TPTE2: variants seen among roughly 807,000 people sequenced by gnomAD.
TPTE2 encodes transmembrane phosphoinositide 3-phosphatase and tensin homolog 2, also known as phosphatidylinositol 3,4,5-trisphosphate 3-phosphatase TPTE2.
In TPTE2, 53 loss-of-function variants were observed where a neutral mutation model predicts 78.6. The ratio of observed to expected loss-of-function variants is 0.67; its 90% CI spans 0.54 to 0.85. The LOEUF is 0.85. Among genes scored for constraint, TPTE2 ranks in the 40% least tolerant of loss-of-function variants. The probability of loss-of-function intolerance (pLI) is 0.00; values close to 1 mark genes in which losing one functional copy is unlikely to be tolerated. For missense variants in TPTE2, 461 were observed against 623.0 expected, an observed-to-expected ratio of 0.74 and a Z score of 2.77; for synonymous variants, 175 against 206.2, an observed-to-expected ratio of 0.85 and a Z score of 1.30.
rs1470972428 is a variant in TPTE2, at chr13:19,486,957, C to A, written c.120-4410G>T. Among the ~76,000 whole-genome samples the A allele has an allele frequency of 6.6e-6, 1 of 152,134 alleles. No homozygotes were observed. The highest frequency in any genetic ancestry group is 1.5e-5 in the Non-Finnish European group (1 of 68,016). ...CGAGGCTGCTCGGCTGGCCTAGGGG[C>A]ATGTCTTCTGGAAGTAGCCCATGGA... On this transcript the variant is annotated intron_variant, in intron 3 of 19. Coordinates refer to ENST00000400230, the Ensembl canonical transcript of TPTE2. The surrounding 1 kb of genome is among the most constrained non-coding windows in gnomAD (Gnocchi z 4.3).
chr13:19,452,682 G>A (rs766755443), intron 10 of TPTE2, among the ~76,000 whole-genome samples: 1 of 152,010 alleles, frequency 6.6e-6, no homozygotes, highest in Non-Finnish European at 1.5e-5. Context: ...GCAAAATAAG[G>A]CATGAAATTT....
In TPTE2 at chr13:19,457,760, TTTG is replaced by T. The variant is rs536130861; in HGVS notation, c.742-6538_742-6536del. On this transcript the variant is annotated intron_variant, in intron 10 of 19. Coordinates refer to ENST00000400230, the Ensembl canonical transcript of TPTE2. ...GTATTTATGTATCACATTTTCTTTTTTTGTTGTTGTTTTTTTAAGTGTTAAATA... is the reference window on the plus strand; with the variant it reads ...GTATTTATGTATCACATTTTCTTTTTTTGTTGTTTTTTTAAGTGTTAAATA... 7.9e-5 allele frequency among the ~76,000 whole-genome samples: 12 copies of T among 152,342 alleles called. No individual in the cohort carries two copies. The East Asian group carries it at 1.3e-3, about 17-fold the overall frequency.
At chr13:19,449,560 A>G (rs1282121195) in intron 13 of TPTE2, among the ~76,000 whole-genome samples, 2 of 152,216 alleles carry the variant, frequency 1.3e-5, no homozygotes, top group Admixed American at 1.3e-4. Context: ...TTGCTGAGAC[A>G]GTAGATTTTA....
rs745812268 is a variant in TPTE2, at chr13:19,497,756, A to G, written c.12-4255T>C. On this transcript the variant is annotated intron_variant, in intron 1 of 19. Transcript: ENST00000400230. ...AAAGCAGAGCGCCTCTCCTCCTCCA[A>G]AGGAACGCAGTTCCTCACCAGCAAC... is the stretch of plus-strand genomic sequence containing the variant. Among the ~76,000 whole-genome samples the G allele has an allele frequency of 5.3e-3, 806 of 151,762 alleles. 5 individuals are homozygous for G. Among genetic ancestry groups the G allele is most frequent in the Non-Finnish European group, 8.0e-3 (545 of 67,858 alleles).
intron 19 of TPTE2, among the ~76,000 whole-genome samples, chr13:19,423,868 G>T (rs1875793021): frequency 1.3e-5 from 2 of 152,200 alleles, no homozygotes; most frequent in South Asian, 4.1e-4. Context: ...AACCACTTTT[G>T]AGGAGCAGCA....
intron 17 of TPTE2, among the ~76,000 whole-genome samples, chr13:19,427,842 A>G (rs1876251695): frequency 4.6e-5 from 7 of 152,262 alleles, no homozygotes. Flanking sequence ...AATGGCACCC[A>G]CAATAAGAAA....
the TPTE2 span, chr13:19,560,608 G>T: frequency 1.2e-6 from 2 of 1,600,772 alleles, no homozygotes; most frequent in Non-Finnish European, 1.7e-6. Context: ...ACAGAGGGTA[G>T]CCACGGCTGG....
intron 1 of TPTE2, among the ~76,000 whole-genome samples, chr13:19,498,316 C>G (rs1045404016): frequency 6.6e-6 from 1 of 150,984 alleles, no homozygotes; most frequent in Non-Finnish European, 1.5e-5. Flanking sequence ...AGATACTCCT[C>G]GAGAAGAGCA....
intron 3 of TPTE2, among the ~76,000 whole-genome samples, chr13:19,484,714 C>T (rs191198965): frequency 7.2e-5 from 11 of 151,994 alleles, no homozygotes; most frequent in Non-Finnish European, 1.5e-4. Flanking sequence ...TGAATTGAAC[C>T]CTTTATTATT....
chr13:19,511,859 TA>T (rs140880516), intron 1 of TPTE2, among the ~76,000 whole-genome samples: 6,050 of 150,514 alleles, frequency 0.04, 143 homozygotes, highest in Middle Eastern at 0.092. Flanking sequence ...CCACTTTTTT[TA>T]AAAAAAAAAT....
intron 15 of TPTE2, 28 bp downstream of exon 18, chr13:19,436,198 A>G (rs752583298): frequency 6.3e-7 from 1 of 1,585,278 alleles, no homozygotes; most frequent in East Asian, 2.2e-5. Context: ...CCCCTAAAAA[A>G]ACTCCCATTT....
chr13:19,431,268 C>A (rs1046224167), intron 16 of TPTE2, among the ~76,000 whole-genome samples: 4 of 152,002 alleles, frequency 2.6e-5, no homozygotes, highest in Admixed American at 2.0e-4. Context: ...TACTTTGGCC[C>A]TACTTTAAGG....
At chr13:19,541,045 G>C (rs1266165746), upstream of TPTE2, among the ~76,000 whole-genome samples, 1 of 152,194 alleles carries the variant, frequency 6.6e-6, no homozygotes, top group Admixed American at 6.5e-5. Context: ...TTAAAACTTA[G>C]TGTCCTCTTC....
chr13:19,541,473 C>T (rs893715220), upstream of TPTE2, among the ~76,000 whole-genome samples: 4 of 152,058 alleles, frequency 2.6e-5, no homozygotes, highest in African/African-American at 9.7e-5. Context: ...AGGCTAGGCC[C>T]CCAGTACAAT....
At chr13:19,527,428 A>G (rs936007970) in intron 1 of TPTE2, among the ~76,000 whole-genome samples, 1 of 152,196 alleles carries the variant, frequency 6.6e-6, no homozygotes, top group Non-Finnish European at 1.5e-5. Flanking sequence ...TACCCCATAA[A>G]TATGTACAAA....
At chr13:19,551,892 T>A in the TPTE2 span, among the ~76,000 whole-genome samples, 12 of 152,226 alleles carry the variant, frequency 7.9e-5, no homozygotes, top group Admixed American at 7.9e-4. Flanking sequence ...AGTAAATCAA[T>A]CTTTTCTAAT....
chr13:19,520,245 GGTTTTGTTTT>G (rs1373974663), intron 1 of TPTE2, among the ~76,000 whole-genome samples: 1 of 151,744 alleles, frequency 6.6e-6, no homozygotes, highest in Non-Finnish European at 1.5e-5. Flanking sequence ...TTCTGTGGTT[GGTTTTGTTTT>G]GTTTTGTTTT....
intron 4 of TPTE2, among the ~76,000 whole-genome samples, chr13:19,479,765 C>T (rs936336793): frequency 7.9e-5 from 12 of 151,972 alleles, no homozygotes; most frequent in Non-Finnish European, 1.3e-4. Flanking sequence ...AGATTGAGAC[C>T]ATCCTGGCCA....
At position 19,497,861 on chromosome 13, in the gene TPTE2, G is replaced by A. The variant is rs1445749124; in HGVS notation, c.12-4360C>T. On this transcript the variant is annotated intron_variant, in intron 1 of 19. Transcript: ENST00000400230. Reference sequence around the variant, plus strand: ...ACGATCAAATTACTCTGAGCTACGGGAGGACATTCAAACCAAAGGCAAAGA... The same window carrying A: ...ACGATCAAATTACTCTGAGCTACGGAAGGACATTCAAACCAAAGGCAAAGA... 3.1e-3 allele frequency among the ~76,000 whole-genome samples: 462 copies of A among 150,918 alleles called. 3 individuals are homozygous for A. The highest frequency in any genetic ancestry group is 9.1e-3 in the African/African-American group (378 of 41,340).
Sources: gnomAD v4.1 joint callset for allele counts (sites outside exome capture counted in the v4.1 genomes callset) on GRCh38, gnomAD v4.1.1 for gene constraint, Gnocchi (gnomAD v3.1) non-coding constraint, MANE v1.5 for transcripts, NCBI Gene and HGNC (gene_info 2026-07-23, HGNC 2026-07-21) for gene names.